PIGN: variants seen among roughly 807,000 people sequenced by gnomAD.
The protein encoded by PIGN is GPI ethanolamine phosphate transferase 1.
A neutral mutation model predicts 125.4 loss-of-function variants in PIGN; 117 were observed. The ratio of observed to expected loss-of-function variants is 0.93; its 90% CI spans 0.80 to 1.09. The LOEUF (loss-of-function observed/expected upper bound fraction) is 1.09, where lower values mean the gene tolerates loss of function less well. Among genes scored for constraint, PIGN ranks in the 50% least tolerant of loss-of-function variants. PIGN has a pLI of 0.00. For synonymous variants in PIGN, 392 were observed against 377.8 expected, an observed-to-expected ratio of 1.04 and a Z score of -0.44; for missense variants, 1,075 against 1,094.9, an observed-to-expected ratio of 0.98 and a Z score of 0.26.
rs141357636 is a variant in PIGN at position 62,125,188 on chromosome 18, G to A, written c.1173-10549C>T. Among the ~76,000 whole-genome samples, 234 of 147,234 alleles carry A rather than the reference G, an allele frequency of 1.6e-3. 3 individuals are homozygous for A. Among genetic ancestry groups the A allele is most frequent in the African/African-American group, 5.6e-3 (222 of 39,898 alleles). On this transcript the variant is annotated intron_variant, in intron 14 of 30. Coordinates refer to ENST00000640252, the MANE Select transcript of PIGN (RefSeq NM_176787.5). Reference sequence around the variant, plus strand: ...TACATATGTGTATATAAATATACACGTTTGTACATATGTGTATATAAATAT... The same window carrying A: ...TACATATGTGTATATAAATATACACATTTGTACATATGTGTATATAAATAT...
intron 16 of PIGN, 26 bp from the exon 17 acceptor site, chr18:62,109,999 A>G (rs768102427): frequency 5.6e-6 from 9 of 1,610,432 alleles, no homozygotes; most frequent in Middle Eastern, 1.7e-4. Flanking sequence ...AAACATTGAA[A>G]CACTTCCAAA....
intron 23 of PIGN, among the ~76,000 whole-genome samples, chr18:62,028,689 A>C (rs1486898480): frequency 6.6e-6 from 1 of 152,212 alleles, no homozygotes; most frequent in African/African-American, 2.4e-5. Flanking sequence ...AAGTCGCAGG[A>C]GTTTTCTCGA....
chr18:62,105,431 G>C (rs375371236), intron 20 of PIGN, 112 bp downstream of exon 20: 3 of 660,388 alleles, frequency 4.5e-6, no homozygotes, highest in African/African-American at 3.6e-5. Flanking sequence ...TTAAATTCCC[G>C]TTAGTTCACA....
At chr18:62,126,899 C>T (rs953694385) in intron 14 of PIGN, among the ~76,000 whole-genome samples, 7 of 152,162 alleles carry the variant, frequency 4.6e-5, no homozygotes, top group Admixed American at 2.0e-4. Context: ...TGTCCAACAT[C>T]CGTTCAACTT....
At chr18:62,119,597 A>G (rs1164848993) in intron 14 of PIGN, among the ~76,000 whole-genome samples, 1 of 152,192 alleles carries the variant, frequency 6.6e-6, no homozygotes, top group African/African-American at 2.4e-5. Flanking sequence ...TAATCCCAAC[A>G]CTTTGGGAGG....
chr18:62,165,844 T>C (rs1019221587), intron 1 of PIGN, among the ~76,000 whole-genome samples: 11 of 152,182 alleles, frequency 7.2e-5, no homozygotes, highest in Admixed American at 6.5e-4. Flanking sequence ...GTTAACTTTA[T>C]TGAGAAGTTT....
At chr18:62,038,807 A>G (rs146353397), downstream of PIGN, among the ~76,000 whole-genome samples, 16 of 152,210 alleles carry the variant, frequency 1.1e-4, no homozygotes, top group Non-Finnish European at 1.9e-4. Flanking sequence ...GGTTCCAGCT[A>G]TTCAGGAGGC....
At chr18:62,171,859 G>A (rs1226530606) in intron 1 of PIGN, among the ~76,000 whole-genome samples, 1 of 152,050 alleles carries the variant, frequency 6.6e-6, no homozygotes, top group Non-Finnish European at 1.5e-5. Context: ...TCTACATATT[G>A]TTGGTCTTAG....
chr18:62,019,122 T>A (rs180777013), intron 23 of PIGN, among the ~76,000 whole-genome samples: 62 of 152,254 alleles, frequency 4.1e-4, no homozygotes, highest in African/African-American at 1.4e-3. Flanking sequence ...GATGGGAGGA[T>A]CCCTCAAGTC....
chr18:62,137,330 T>C (rs2035970594), intron 14 of PIGN: 2 of 402,564 alleles, frequency 5.0e-6, no homozygotes, highest in Admixed American at 4.4e-5. Context: ...TTTTGAGGTT[T>C]TGGGACTCAG....
Position 62,025,835 on chromosome 18 carries a change from C to T in PIGN, c.2143-8094G>A, listed in dbSNP as rs2030111267. 2.0e-5 allele frequency among the ~76,000 whole-genome samples: 3 copies of T among 152,192 alleles called. No homozygotes were observed. The South Asian group carries it at 6.2e-4, about 31-fold the overall frequency. ...CCTACATCCAGTCAATTCAACAAGC[C>T]TCCAGAAAGTTTCATATATGCCTCC... On this transcript the variant is annotated intron_variant, in intron 23 of 24. Transcript: ENST00000639600.
chr18:62,110,293 G>A (rs751697560), intron 16 of PIGN: 13 of 238,712 alleles, frequency 5.4e-5, no homozygotes, highest in Non-Finnish European at 9.8e-5. Flanking sequence ...TTTTATAAAT[G>A]TTGATTGAGT....
chr18:62,100,858 T>C (rs1459765626), intron 22 of PIGN, among the ~76,000 whole-genome samples: 1 of 152,188 alleles, frequency 6.6e-6, no homozygotes, highest in Non-Finnish European at 1.5e-5. Context: ...TATTATCAGC[T>C]CATAAATATT....
At chr18:62,078,925 A>G (rs1043551367) in intron 28 of PIGN, among the ~76,000 whole-genome samples, 6 of 152,198 alleles carry the variant, frequency 3.9e-5, no homozygotes, top group Non-Finnish European at 7.3e-5. Context: ...GTTATTATCC[A>G]TGCAACAGAC....
chr18:62,147,117 CA>C lies in PIGN; in HGVS notation c.675-17del, dbSNP rs764414411. The C allele has an allele frequency of 3.8e-6, 6 of 1,578,098 alleles. No individual in the cohort carries two copies. In the South Asian group the frequency reaches 7.0e-5, roughly 19 times the overall value. ...CTTGTAGTCTCTATTTGTAAAGAAA[CA>C]GAGGAACAAATTAAATTAATTTGGA... is the stretch of plus-strand genomic sequence containing the variant. On this transcript the variant is annotated splice_polypyrimidine_tract_variant and intron_variant, in intron 8 of 30. Coordinates refer to ENST00000640252, the MANE Select transcript of PIGN (RefSeq NM_176787.5).
downstream of PIGN, among the ~76,000 whole-genome samples, chr18:62,040,304 T>G (rs537755882): frequency 4.6e-5 from 7 of 152,014 alleles, no homozygotes; most frequent in African/African-American, 7.2e-5. Context: ...TTAGGGCCCA[T>G]CCAGGGTGCC....
chr18:62,076,908 C>G (rs2033200132), intron 28 of PIGN, among the ~76,000 whole-genome samples: 1 of 152,138 alleles, frequency 6.6e-6, no homozygotes, highest in South Asian at 2.1e-4. Context: ...CCCAAAGTAT[C>G]AATCCCAATA....
intron 23 of PIGN, among the ~76,000 whole-genome samples, chr18:62,035,677 TC>T (rs748968124): frequency 1.3e-5 from 2 of 151,122 alleles, no homozygotes; most frequent in Non-Finnish European, 2.9e-5. Context: ...CCCTCCCCCT[TC>T]CCCCCACCCC....
At chr18:62,127,646 C>A (rs1034165734) in intron 14 of PIGN, among the ~76,000 whole-genome samples, 1 of 151,796 alleles carries the variant, frequency 6.6e-6, no homozygotes, top group Non-Finnish European at 1.5e-5. Context: ...AAGACCTTAT[C>A]ATTTGCTTGA....
Sources: allele counts gnomAD v4.1 joint callset (sites outside exome capture counted in the v4.1 genomes callset), GRCh38; gene constraint gnomAD v4.1.1; transcripts MANE v1.5; gene names NCBI Gene and HGNC (gene_info 2026-07-23, HGNC 2026-07-21).